Variants in ABCA9 observed in about 807,000 individuals in gnomAD.
ABCA9 encodes the protein ATP binding cassette subfamily A member 9, also known as ATP-binding cassette sub-family A member 9.
ABCA9 carries 183 observed loss-of-function variants against 205.3 expected under a neutral mutation model. The observed-to-expected ratio is 0.89, with a 90% CI of 0.79 to 1.01. The LOEUF (loss-of-function observed/expected upper bound fraction) is 1.01, where lower values mean the gene tolerates loss of function less well. Among genes scored for constraint, ABCA9 ranks in the 50% least tolerant of loss-of-function variants. The pLI is 0.00. For missense variants in ABCA9, 1,805 were observed against 1,912.4 expected, an observed-to-expected ratio of 0.94 and a Z score of 1.05; for synonymous variants, 651 against 683.3, an observed-to-expected ratio of 0.95 and a Z score of 0.74.
At chr17:69,044,448 A>G in intron 5 of ABCA9, 49 bp downstream of exon 5, 3 of 1,509,082 alleles carry the variant, frequency 2.0e-6, no homozygotes, top group Non-Finnish European at 2.8e-6. Flanking sequence ...ATCACCATCC[A>G]GCAAAATTCA....
chr17:69,027,543 G>A, intron 13 of ABCA9, 94 bp from the exon 14 acceptor site: 1 of 1,556,594 alleles, frequency 6.4e-7, no homozygotes, highest in Non-Finnish European at 8.7e-7. Flanking sequence ...CTTTTTGCCT[G>A]AAATTTAGAT....
chr17:69,027,713 AAT>A lies in ABCA9; in HGVS notation c.1716_1717del (p.Phe573SerfsTer12). 2 of 1,613,442 alleles carry A rather than the reference AAT, an allele frequency of 1.2e-6. No homozygotes were observed. The highest frequency in any genetic ancestry group is 1.7e-6 in the Non-Finnish European group (2 of 1,179,868). On this transcript the variant is annotated frameshift_variant, in exon 13 of 39. Coordinates refer to ENST00000340001, the MANE Select transcript of ABCA9 (RefSeq NM_080283.4). LOFTEE classifies it high-confidence loss of function. ...CCTGAGGTTTTCTTTCACAGTGAGAAATCCAAATTGCACATTGGATTGTGGAC... is the reference window on the plus strand; with the variant it reads ...CCTGAGGTTTTCTTTCACAGTGAGAACCAAATTGCACATTGGATTGTGGAC...
chr17:69,058,711 T>G (rs1211907456), intron 1 of ABCA9, among the ~76,000 whole-genome samples: 1 of 151,538 alleles, frequency 6.6e-6, no homozygotes, highest in Non-Finnish European at 1.5e-5. Context: ...TGGTGGCGAG[T>G]GCCCGTAATC....
chr17:69,054,220 T>C (rs557012592), intron 1 of ABCA9, among the ~76,000 whole-genome samples: 1 of 152,254 alleles, frequency 6.6e-6, no homozygotes, highest in South Asian at 2.1e-4. Context: ...TAAAATGATA[T>C]GTCACAAATT....
intron 31 of ABCA9, among the ~76,000 whole-genome samples, chr17:68,987,862 T>C (rs2069297200): frequency 6.6e-6 from 1 of 151,966 alleles, no homozygotes; most frequent in Non-Finnish European, 1.5e-5. Context: ...CCGGCCGGGT[T>C]CAAGCAATTC....
intron 1 of ABCA9, among the ~76,000 whole-genome samples, chr17:69,056,672 G>C (rs2072078647): frequency 6.6e-6 from 1 of 152,098 alleles, no homozygotes; most frequent in South Asian, 2.1e-4. Context: ...CTGAATCTTT[G>C]TTCTGTATCT....
At chr17:68,988,831 G>C (rs1253701812) in intron 31 of ABCA9, among the ~76,000 whole-genome samples, 196 bp downstream of exon 31, 1 of 152,066 alleles carries the variant, frequency 6.6e-6, no homozygotes, top group African/African-American at 2.4e-5. Context: ...TCAATAAAAG[G>C]CATAGTATAT....
chr17:68,991,284 A>G (rs1292465564), intron 28 of ABCA9, among the ~76,000 whole-genome samples: 1 of 152,202 alleles, frequency 6.6e-6, no homozygotes, highest in Non-Finnish European at 1.5e-5. Flanking sequence ...GAATCTAGGA[A>G]CTATAGTTTT....
At chr17:68,981,887 A>C (rs2143948040) in intron 37 of ABCA9, among the ~76,000 whole-genome samples, 1 of 150,980 alleles carries the variant, frequency 6.6e-6, no homozygotes, top group African/African-American at 2.4e-5. Flanking sequence ...CCTCTGATGA[A>C]GGCAGGTAAC....
In ABCA9 at chr17:68,979,302, G is replaced by C. The variant is rs543597364; in HGVS notation, c.4721-3112C>G. On this transcript the variant is annotated intron_variant, in intron 37 of 38. Transcript: ENST00000340001. ...TAAAAGAGGATACAAACAAATGGAAGAACGTTCCATGCTCATGGGTAGGAA... is the reference window on the plus strand; with the variant it reads ...TAAAAGAGGATACAAACAAATGGAACAACGTTCCATGCTCATGGGTAGGAA... Among the ~76,000 whole-genome samples, 403 of 152,048 alleles carry C rather than the reference G, an allele frequency of 2.7e-3. 1 individual carries two copies. Among genetic ancestry groups the C allele is most frequent in the African/African-American group, 9.4e-3 (389 of 41,458 alleles).
chr17:68,977,604 A>C (rs1234504618), intron 37 of ABCA9, among the ~76,000 whole-genome samples: 1 of 152,180 alleles, frequency 6.6e-6, no homozygotes, highest in Non-Finnish European at 1.5e-5. Flanking sequence ...GTTTTGCTGG[A>C]GTTTACATTA....
chr17:69,056,992 G>A (rs1310002740), intron 1 of ABCA9, among the ~76,000 whole-genome samples: 1 of 152,146 alleles, frequency 6.6e-6, no homozygotes, highest in African/African-American at 2.4e-5. Context: ...GAGACGGTAT[G>A]GGCATAAAAA....
intron 25 of ABCA9, among the ~76,000 whole-genome samples, chr17:68,997,563 T>A (rs1281359980): frequency 2.0e-5 from 3 of 151,294 alleles, no homozygotes; most frequent in African/African-American, 4.8e-5. Context: ...CTCTTTCATG[T>A]GGCTGTAATT....
intron 31 of ABCA9, among the ~76,000 whole-genome samples, chr17:68,987,918 C>T (rs991188021): frequency 6.6e-6 from 1 of 152,158 alleles, no homozygotes; most frequent in African/African-American, 2.4e-5. Context: ...GCATTCACCA[C>T]CACGCCTGGC....
chr17:69,036,598 G>A (rs756803100), intron 6 of ABCA9, among the ~76,000 whole-genome samples: 7 of 151,910 alleles, frequency 4.6e-5, no homozygotes, highest in South Asian at 4.2e-4. Context: ...AAAGACCAAC[G>A]ACACTATGAA....
intron 1 of ABCA9, among the ~76,000 whole-genome samples, chr17:69,052,008 A>AT (rs1284040378): frequency 1.3e-5 from 2 of 152,170 alleles, no homozygotes; most frequent in African/African-American, 4.8e-5. Flanking sequence ...GTTTGAATCA[A>AT]TTATTTTGTG....
chr17:69,011,075 A>G (rs753957945), intron 23 of ABCA9, among the ~76,000 whole-genome samples: 14 of 152,192 alleles, frequency 9.2e-5, no homozygotes, highest in Non-Finnish European at 1.6e-4. Flanking sequence ...CATTTATGGG[A>G]AAGTTACTAT....
chr17:68,990,816 A>G, intron 29 of ABCA9, 21 bp downstream of exon 29: 8 of 1,595,818 alleles, frequency 5.0e-6, no homozygotes, highest in Non-Finnish European at 6.8e-6. Context: ...ATAGTTGACG[A>G]AGAACATTTC....
chr17:69,061,817 C>A (rs1306088595), upstream of ABCA9, among the ~76,000 whole-genome samples: 1 of 152,160 alleles, frequency 6.6e-6, no homozygotes, highest in Non-Finnish European at 1.5e-5. Context: ...TGGAGTTCAT[C>A]TTTGGCTGAA....
Sources: allele counts gnomAD v4.1 joint callset (sites outside exome capture counted in the v4.1 genomes callset), GRCh38; gene constraint gnomAD v4.1.1; transcripts MANE v1.5; gene names NCBI Gene and HGNC (gene_info 2026-07-23, HGNC 2026-07-21).